SRD5A2: variants seen among roughly 807,000 people sequenced by gnomAD.
SRD5A2 encodes steroid 5 alpha-reductase 2.
SRD5A2 carries 30 observed loss-of-function variants against 27.4 expected under a neutral mutation model. The observed-to-expected ratio is 1.10, with a 90% CI of 0.82 to 1.49. The LOEUF (loss-of-function observed/expected upper bound fraction) is 1.49. Among genes scored for constraint, SRD5A2 ranks in the 40% most tolerant of loss-of-function variants. The pLI, the probability that SRD5A2 is intolerant of heterozygous loss-of-function variation, is 0.00. For missense variants in SRD5A2, 348 were observed against 323.4 expected (o/e 1.08, Z -0.58); for synonymous variants, 141 against 133.6 (o/e 1.06, Z -0.38).
At position 31,531,747 on chromosome 2, in the gene SRD5A2, G is replaced by C. The variant is rs940518871; in HGVS notation, c.446-275C>G. Among the ~76,000 whole-genome samples, 4 of 152,174 alleles carry C rather than the reference G, an allele frequency of 2.6e-5. No individual in the cohort carries two copies. The East Asian group carries it at 7.7e-4, about 29-fold the overall frequency. On this transcript the variant is annotated intron_variant, in intron 2 of 4. Coordinates refer to ENST00000622030, the MANE Select transcript of SRD5A2 (RefSeq NM_000348.4). ...GAGGAGAGCAGGAGGTAGCACCATT[G>C]TCCAGTATTTAAATAGATAAACAAA...
At chr2:31,544,915 T>A (rs1666212952) in intron 1 of SRD5A2, among the ~76,000 whole-genome samples, 1 of 151,880 alleles carries the variant, frequency 6.6e-6, no homozygotes, top group Admixed American at 6.6e-5. Flanking sequence ...GACAGCACTA[T>A]GAACAATTGT....
chr2:31,564,307 T>C (rs563182044), intron 1 of SRD5A2, among the ~76,000 whole-genome samples: 3 of 151,764 alleles, frequency 2.0e-5, no homozygotes, highest in Admixed American at 6.6e-5. Context: ...AGATAAGACA[T>C]TGTAGAAGAA....
chr2:31,571,578 C>T (rs1220933137), intron 1 of SRD5A2, among the ~76,000 whole-genome samples: 1 of 152,122 alleles, frequency 6.6e-6, no homozygotes, highest in Non-Finnish European at 1.5e-5. Context: ...AGAGAGTAAA[C>T]ATGCAACTTA....
chr2:31,589,001 C>T, the SRD5A2 span, among the ~76,000 whole-genome samples: 1 of 152,150 alleles, frequency 6.6e-6, no homozygotes, highest in African/African-American at 2.4e-5. Context: ...TTGAAAGAAG[C>T]AGTTTTACTG....
the SRD5A2 span, among the ~76,000 whole-genome samples, chr2:31,595,956 T>C: frequency 6.6e-6 from 1 of 152,082 alleles, no homozygotes; most frequent in Admixed American, 6.6e-5. Flanking sequence ...ACAAAAATCA[T>C]ATTATCATCT....
chr2:31,559,124 G>A (rs1190832582), intron 1 of SRD5A2, among the ~76,000 whole-genome samples: 4 of 152,144 alleles, frequency 2.6e-5, no homozygotes, highest in African/African-American at 4.8e-5. Context: ...TGCCAGTGGC[G>A]TGGCTTTTTG....
At chr2:31,598,253 T>C in the SRD5A2 span, among the ~76,000 whole-genome samples, 5 of 152,026 alleles carry the variant, frequency 3.3e-5, no homozygotes, top group East Asian at 9.7e-4. Flanking sequence ...GCTATAAGAA[T>C]GCAAAGGCAT....
chr2:31,617,131 T>C, the SRD5A2 span, among the ~76,000 whole-genome samples: 1 of 152,162 alleles, frequency 6.6e-6, no homozygotes, highest in Admixed American at 6.5e-5. Context: ...CGAGGAACTG[T>C]AAGTCCATTA....
chr2:31,638,468 G>A, the SRD5A2 span, among the ~76,000 whole-genome samples: 2 of 151,924 alleles, frequency 1.3e-5, no homozygotes, highest in Admixed American at 1.3e-4. Context: ...GTAGTTTAAT[G>A]TTTCTTTGTT....
the SRD5A2 span, among the ~76,000 whole-genome samples, chr2:31,591,529 T>C: frequency 4.6e-5 from 7 of 152,096 alleles, no homozygotes; most frequent in East Asian, 1.9e-4. Flanking sequence ...GTCAGTGTGG[T>C]GATTCCTCAG....
chr2:31,581,738 G>A (rs1047989669), upstream of SRD5A2, among the ~76,000 whole-genome samples: 12 of 152,142 alleles, frequency 7.9e-5, no homozygotes, highest in Non-Finnish European at 1.8e-4. Context: ...CCCAGACTCA[G>A]GCTAAAGTCT....
the SRD5A2 span, among the ~76,000 whole-genome samples, chr2:31,589,747 G>T: frequency 1.3e-5 from 2 of 152,214 alleles, no homozygotes; most frequent in African/African-American, 4.8e-5. Context: ...CAGAAACGGG[G>T]TGGGGGGCAA....
chr2:31,556,952 C>G (rs1167536755), intron 1 of SRD5A2, among the ~76,000 whole-genome samples: 1 of 152,158 alleles, frequency 6.6e-6, no homozygotes, highest in Non-Finnish European at 1.5e-5. Flanking sequence ...CATATTAACT[C>G]ATTTAATCTT....
intron 1 of SRD5A2, among the ~76,000 whole-genome samples, chr2:31,567,567 T>C (rs941034906): frequency 6.6e-6 from 1 of 152,000 alleles, no homozygotes; most frequent in African/African-American, 2.4e-5. Context: ...AGGTTCTTCA[T>C]ACCCTTTGTA....
At chr2:31,613,756 C>G in the SRD5A2 span, among the ~76,000 whole-genome samples, 2 of 152,134 alleles carry the variant, frequency 1.3e-5, no homozygotes, top group Admixed American at 1.3e-4. Flanking sequence ...AATGGACTCA[C>G]AGTTCCACAT....
the SRD5A2 span, among the ~76,000 whole-genome samples, chr2:31,602,070 A>G: frequency 2.0e-5 from 3 of 152,040 alleles, no homozygotes; most frequent in Non-Finnish European, 2.9e-5. Flanking sequence ...CAATCGGGCA[A>G]GAAAAAGAAA....
rs569673551 is a variant in SRD5A2, at chr2:31,563,190, C to T, written c.281+17430G>A. The stretch of plus-strand genomic sequence containing the variant: ...GTAAAATACGTCCCAAAGCATTACA[C>T]GTCAAGCCTGAAGATGGAAAGTTTG... On this transcript the variant is annotated intron_variant, in intron 1 of 4. Coordinates refer to ENST00000622030, the MANE Select transcript of SRD5A2 (RefSeq NM_000348.4). The T allele has an allele frequency of 3.9e-5, 6 of 152,128 alleles. 1 individual carries two copies. The South Asian group carries it at 8.3e-4, about 21-fold the overall frequency. The allele number at this position is 152,128 out of a possible 1,614,324, so 9.4% of individuals were successfully genotyped here.
chr2:31,599,375 C>T, the SRD5A2 span, among the ~76,000 whole-genome samples: 2 of 151,996 alleles, frequency 1.3e-5, no homozygotes, highest in Non-Finnish European at 1.5e-5. Context: ...TTCCTCAGCA[C>T]ATGGATTATT....
chr2:31,580,172 A>C (rs1034811690), intron 1 of SRD5A2, among the ~76,000 whole-genome samples: 1 of 152,214 alleles, frequency 6.6e-6, no homozygotes, highest in Non-Finnish European at 1.5e-5. Flanking sequence ...CCAAGATCCC[A>C]GAACTAATCT....
Sources: allele counts gnomAD v4.1 joint callset (sites outside exome capture counted in the v4.1 genomes callset), GRCh38; gene constraint gnomAD v4.1.1; transcripts MANE v1.5; gene names NCBI Gene and HGNC (gene_info 2026-07-23, HGNC 2026-07-21).